The following PRKDC variants were observed in gnomAD, a reference collection of about 807,000 sequenced individuals.
PRKDC encodes DNA-dependent protein kinase catalytic subunit.
A neutral mutation model predicts 486.9 loss-of-function variants in PRKDC; 82 were observed. That is an observed-to-expected ratio of 0.17 (90% confidence interval 0.14 to 0.20). PRKDC has a LOEUF of 0.20. PRKDC is among the 10% of genes least tolerant of loss of function. PRKDC has a pLI of 1.00. For synonymous variants in PRKDC, 1,895 were observed against 1,837.0 expected, an observed-to-expected ratio of 1.03 and a Z score of -0.81; for missense variants, 4,504 against 5,038.2, an observed-to-expected ratio of 0.89 and a Z score of 3.21.
At chr8:47,813,243 G>A (rs1263145558) in intron 68 of PRKDC, among the ~76,000 whole-genome samples, 5 of 151,526 alleles carry the variant, frequency 3.3e-5, no homozygotes, top group African/African-American at 9.7e-5. Flanking sequence ...TCAGCCTCCT[G>A]AGTAGCTGGG....
At chr8:47,934,375 A>G (rs2090310383) in intron 14 of PRKDC, among the ~76,000 whole-genome samples, 3 of 152,168 alleles carry the variant, frequency 2.0e-5, no homozygotes, top group Non-Finnish European at 4.4e-5. Context: ...TCTCTACTCT[A>G]AACACAAAAA....
At chr8:47,780,825 C>T (rs1413609108) in intron 80 of PRKDC, among the ~76,000 whole-genome samples, 1 of 152,062 alleles carries the variant, frequency 6.6e-6, no homozygotes, top group African/African-American at 2.4e-5. Context: ...GTAATCTCAG[C>T]TACTCGGAAG....
At chr8:47,809,142 G>A (rs1417214073) in intron 68 of PRKDC, among the ~76,000 whole-genome samples, 1 of 148,934 alleles carries the variant, frequency 6.7e-6, no homozygotes, top group African/African-American at 2.5e-5. Flanking sequence ...TGGGAGGGAG[G>A]GGGAGGGGAG....
rs767375929 is a variant in PRKDC, at chr8:47,863,589, T to TA, written c.5572-13dup. On this transcript the variant is annotated splice_polypyrimidine_tract_variant and intron_variant, in intron 41 of 85. Coordinates refer to ENST00000314191, the MANE Select transcript of PRKDC (RefSeq NM_006904.7). ...GTAGATTCATTTAGCTTCAAAAAGG[T>TA]AAAAAATAATTATCTTTGGTCTTAT... 8 of 1,583,210 alleles carry TA rather than the reference T, an allele frequency of 5.1e-6. No individual in the cohort carries two copies. The South Asian group carries it at 6.8e-5, about 13-fold the overall frequency.
intron 7 of PRKDC, among the ~76,000 whole-genome samples, chr8:47,947,237 T>C (rs1434200508): frequency 1.3e-5 from 2 of 152,148 alleles, no homozygotes; most frequent in East Asian, 1.9e-4. Flanking sequence ...CTCTCCTCCT[T>C]CTGATCACGA....
At chr8:47,845,027 C>G (rs2088235885) in intron 54 of PRKDC, among the ~76,000 whole-genome samples, 1 of 152,110 alleles carries the variant, frequency 6.6e-6, no homozygotes, top group African/African-American at 2.4e-5. Context: ...CCAGCCTGAC[C>G]AACATAGTGA....
chr8:47,789,479 A>G (rs1179309610), intron 74 of PRKDC, among the ~76,000 whole-genome samples: 1 of 152,050 alleles, frequency 6.6e-6, no homozygotes, highest in African/African-American at 2.4e-5. Context: ...GAGGTTCTTA[A>G]AAAAGAATTA....
chr8:47,956,168 C>A (rs926486671), intron 3 of PRKDC, among the ~76,000 whole-genome samples: 1 of 151,998 alleles, frequency 6.6e-6, no homozygotes, highest in Non-Finnish European at 1.5e-5. Flanking sequence ...TCGAGACCAG[C>A]CTGGCCAGCA....
rs1463274572 is a variant in PRKDC at position 47,830,480 on chromosome 8, G to A, written c.8397+125C>T. On this transcript the variant is annotated intron_variant, in intron 61 of 85. Transcript: ENST00000314191. ...AGGTCTTTATACCAAGTCCACCGTT[G>A]AGGACAAACCAACACCTCATCTATG... 4.5e-6 allele frequency: 6 copies of A among 1,333,314 alleles called. No individual in the cohort carries two copies. In the African/African-American group the frequency reaches 7.3e-5, roughly 16 times the overall value. The allele number at this position is 1,333,314 out of a possible 1,614,324, so 82.6% of individuals were successfully genotyped here.
In PRKDC at chr8:47,798,245, T is replaced by C. The variant is rs771760643; in HGVS notation, c.10450A>G (p.Thr3484Ala). Reference sequence around the variant, plus strand: ...AGAATAAAGACACCAACCTCTTTTGTCATGAGGCTCAAAGTCTCCTCTGGA... The same window carrying C: ...AGAATAAAGACACCAACCTCTTTTGCCATGAGGCTCAAAGTCTCCTCTGGA... ...RYPEETLSLM[T>A]KEISSVPCWQ... is the part of the protein sequence containing the mutation. Residue 3484 changes from threonine to alanine, a missense_variant, in exon 73 of 86, where the codon ACA becomes GCA. By Grantham distance (58) the Thr-to-Ala change is moderately conservative. Transcript: ENST00000314191. 3.2e-5 allele frequency: 52 copies of C among 1,611,774 alleles called. No homozygotes were observed. The highest frequency in any genetic ancestry group is 4.3e-5 in the Non-Finnish European group (51 of 1,179,360).
intron 38 of PRKDC, 63 bp downstream of exon 38, chr8:47,881,337 AAAATAAAAAACATCAC>A (rs2089211632): frequency 1.1e-6 from 1 of 916,208 alleles, no homozygotes; most frequent in African/African-American, 1.7e-5. Context: ...TCCATAATAA[AAAATAAAAAACATCAC>A]AAATAAAAAA....
chr8:47,943,731 C>A, intron 9 of PRKDC, 122 bp downstream of exon 9: 1 of 890,702 alleles, frequency 1.1e-6, no homozygotes, highest in Non-Finnish European at 1.7e-6. Flanking sequence ...CTGTAAATAA[C>A]TGTGTGTGAA....
intron 74 of PRKDC, among the ~76,000 whole-genome samples, chr8:47,792,180 T>G (rs993438436): frequency 1.3e-5 from 2 of 151,776 alleles, no homozygotes; most frequent in Admixed American, 1.3e-4. Flanking sequence ...GCGGGGATGG[T>G]TAATGGGCAC....
chr8:47,812,868 A>T (rs751589531), intron 68 of PRKDC, among the ~76,000 whole-genome samples: 48 of 152,170 alleles, frequency 3.2e-4, no homozygotes, highest in Non-Finnish European at 6.2e-4. Context: ...AAAAGAGAAC[A>T]CAAATAACCA....
chr8:47,931,859 A>G (rs2154503608), intron 16 of PRKDC, among the ~76,000 whole-genome samples: 2 of 152,334 alleles, frequency 1.3e-5, no homozygotes, highest in Non-Finnish European at 2.9e-5. Flanking sequence ...GCCTCGGACC[A>G]GAGCAGGGCA....
chr8:47,916,775 C>T (rs994588391), intron 22 of PRKDC, among the ~76,000 whole-genome samples: 3 of 152,214 alleles, frequency 2.0e-5, no homozygotes, highest in African/African-American at 4.8e-5. Flanking sequence ...GGTGCACCTC[C>T]TGCCTCACAC....
intron 16 of PRKDC, among the ~76,000 whole-genome samples, chr8:47,931,063 T>C (rs1423195537): frequency 3.9e-5 from 6 of 152,216 alleles, no homozygotes; most frequent in Non-Finnish European, 7.3e-5. Context: ...GAGCTAGCAA[T>C]AATGCCTTGA....
Position 47,954,419 on chromosome 8 carries a change from G to T in PRKDC, c.427C>A (p.Leu143Ile). 1 of 1,357,404 alleles carries T rather than the reference G, an allele frequency of 7.4e-7. No homozygotes were observed. The highest frequency in any genetic ancestry group is 1.0e-6 in the Non-Finnish European group (1 of 1,003,676). The allele number at this position is 1,357,404 out of a possible 1,614,324, so 84.1% of individuals were successfully genotyped here. A position where few individuals can be genotyped will look rare whatever the true frequency, so the allele number is the denominator to read the frequency against. The part of the protein sequence containing the change: ...KLLQTFRSSR[L>I]MDEFKIGELF... ...TCTCCAATTTTAAATTCATCCATGA[G>T]TCTAGAACTTCTAAAAGTCTGAAGT... Residue 143 changes from leucine (L) to isoleucine (I), a missense_variant, in exon 5 of 86, where the codon CTC becomes ATC. By Grantham distance (5) the Leu-to-Ile change is conservative. Transcript: ENST00000314191.
intron 10 of PRKDC, among the ~76,000 whole-genome samples, chr8:47,941,705 G>A (rs1382987746): frequency 3.9e-5 from 6 of 152,152 alleles, no homozygotes; most frequent in Non-Finnish European, 8.8e-5. Context: ...CAAATTTGAG[G>A]GTATATTGCA....
Sources: gnomAD v4.1 joint callset for allele counts (sites outside exome capture counted in the v4.1 genomes callset) on GRCh38, gnomAD v4.1.1 for gene constraint, MANE v1.5 for transcripts, NCBI Gene and HGNC (gene_info 2026-07-23, HGNC 2026-07-21) for gene names.